RAPGEF2: variants seen among roughly 807,000 people sequenced by gnomAD.
RAPGEF2 encodes PDZ domain containing guanine nucleotide exchange factor (GEF) 1.
Under a neutral mutation model 186.7 loss-of-function variants are expected in RAPGEF2, and 54 were observed. The ratio of observed to expected loss-of-function variants is 0.29; its 90% CI spans 0.23 to 0.36. The LOEUF (loss-of-function observed/expected upper bound fraction) is 0.36, where lower values mean the gene tolerates loss of function less well. RAPGEF2 is among the 10% of genes least tolerant of loss of function. The pLI, the probability that RAPGEF2 is intolerant of heterozygous loss-of-function variation, is 1.00. For synonymous variants in RAPGEF2, 712 were observed against 705.9 expected, an observed-to-expected ratio of 1.01 and a Z score of -0.14; for missense variants, 1,532 against 2,045.0, an observed-to-expected ratio of 0.75 and a Z score of 4.84.
At chr4:159,348,246 G>GATAGATAGATAGATAGATA (rs1561329991) in intron 25 of RAPGEF2, among the ~76,000 whole-genome samples, 37 of 30,396 alleles carry the variant, frequency 1.2e-3, no homozygotes, top group African/African-American at 1.9e-3. Context: ...ATAGATAGAT[G>GATAGATAGATAGATAGATA]GATGGATGGA....
At chr4:159,296,288 G>C (rs911142305) in intron 7 of RAPGEF2, among the ~76,000 whole-genome samples, 7 of 152,166 alleles carry the variant, frequency 4.6e-5, no homozygotes, top group Admixed American at 1.3e-4. Flanking sequence ...AAGTGAGTCA[G>C]CTTTGCAAAT....
At chr4:159,352,178 T>C (rs1731284702) in intron 26 of RAPGEF2, among the ~76,000 whole-genome samples, 1 of 152,236 alleles carries the variant, frequency 6.6e-6, no homozygotes, top group Non-Finnish European at 1.5e-5. Flanking sequence ...TTCAAAGACA[T>C]CTTCAGGTCT....
At chr4:159,170,470 A>C (rs1342663549) in intron 1 of RAPGEF2, among the ~76,000 whole-genome samples, 1 of 152,204 alleles carries the variant, frequency 6.6e-6, no homozygotes, top group Admixed American at 6.5e-5. Context: ...TATAACACCA[A>C]CTATTCACAT....
intron 1 of RAPGEF2, among the ~76,000 whole-genome samples, chr4:159,151,904 A>AC (rs940788490): frequency 1.3e-5 from 2 of 152,214 alleles, no homozygotes; most frequent in African/African-American, 4.8e-5. Flanking sequence ...ATCTAGAGGG[A>AC]CAAGGGCCTT....
intron 5 of RAPGEF2, among the ~76,000 whole-genome samples, chr4:159,239,518 T>C (rs1396943546): frequency 6.6e-6 from 1 of 152,198 alleles, no homozygotes; most frequent in Non-Finnish European, 1.5e-5. Flanking sequence ...TTCCCTCTTT[T>C]TAATGTAATT....
intron 3 of RAPGEF2, among the ~76,000 whole-genome samples, chr4:159,195,904 T>A (rs201184748): frequency 1.6e-5 from 2 of 128,892 alleles, no homozygotes; most frequent in African/African-American, 3.4e-5. Flanking sequence ...TTTTTTTTTT[T>A]CCCCAAGTAG....
intron 20 of RAPGEF2, among the ~76,000 whole-genome samples, chr4:159,342,556 ATTT>A (rs1729652508): frequency 3.0e-5 from 2 of 65,584 alleles, no homozygotes; most frequent in East Asian, 3.1e-4. Context: ...ATTTTATATT[ATTT>A]TATTTTATTT....
At chr4:159,143,569 G>A (rs1742585440) in intron 1 of RAPGEF2, among the ~76,000 whole-genome samples, 1 of 152,136 alleles carries the variant, frequency 6.6e-6, no homozygotes, top group Non-Finnish European at 1.5e-5. Flanking sequence ...GTGATATAAT[G>A]TAGTTTATTT....
At chr4:159,292,899 T>C (rs971534114) in intron 7 of RAPGEF2, among the ~76,000 whole-genome samples, 6 of 152,190 alleles carry the variant, frequency 3.9e-5, no homozygotes, top group African/African-American at 1.2e-4. Flanking sequence ...TTACTGTCTT[T>C]GGTTCATAAG....
intron 4 of RAPGEF2, among the ~76,000 whole-genome samples, chr4:159,218,869 A>G (rs528845258): frequency 1.3e-4 from 20 of 152,196 alleles, no homozygotes; most frequent in Non-Finnish European, 2.8e-4. Flanking sequence ...GTGTGTAAGA[A>G]CTGCTTACCT....
rs572221870 is a variant in RAPGEF2, at chr4:159,300,407, C to CA, written c.544-3929dup. 1.1e-4 allele frequency among the ~76,000 whole-genome samples: 17 copies of CA among 150,640 alleles called. No individual in the cohort carries two copies. In the South Asian group the frequency reaches 3.6e-3, roughly 32 times the overall value. On this transcript the variant is annotated intron_variant, in intron 7 of 29. Transcript: ENST00000691494. The stretch of plus-strand genomic sequence containing the variant: ...GACTATAGGTTGCTTGCTCCAGGAA[C>CA]AAAAAATTGAGCAGTAATATATTTA...
At chr4:159,189,466 G>A (rs1032042273) in intron 2 of RAPGEF2, among the ~76,000 whole-genome samples, 2 of 139,768 alleles carry the variant, frequency 1.4e-5, no homozygotes, top group Non-Finnish European at 3.3e-5. Flanking sequence ...ATTTGCCAGC[G>A]GGGAAGAGTA....
intron 24 of RAPGEF2, among the ~76,000 whole-genome samples, chr4:159,346,536 T>C (rs892959000): frequency 2.0e-5 from 3 of 152,304 alleles, no homozygotes; most frequent in African/African-American, 4.8e-5. Flanking sequence ...ATGGGGTGTT[T>C]AATAGTACAA....
At chr4:159,338,258 G>T in intron 17 of RAPGEF2, 53 bp from the exon 18 acceptor site, 3 of 1,510,222 alleles carry the variant, frequency 2.0e-6, no homozygotes, top group Non-Finnish European at 2.7e-6. Context: ...ATATAGTGAT[G>T]ATGTACAACT....
intron 7 of RAPGEF2, chr4:159,268,178 C>G: frequency 6.2e-7 from 1 of 1,612,576 alleles, no homozygotes; most frequent in Middle Eastern, 1.6e-4. Flanking sequence ...GCAATCCCAG[C>G]TAACCATGGA....
At position 159,104,276 on chromosome 4, in the gene RAPGEF2, G is replaced by T. The variant is rs759073219; in HGVS notation, c.69+45G>T. The T allele has an allele frequency of 4.0e-6, 5 of 1,255,894 alleles. No individual in the cohort carries two copies. The South Asian group carries it at 5.9e-5, about 15-fold the overall frequency. The allele number at this position is 1,255,894 out of a possible 1,614,324, so 77.8% of individuals were successfully genotyped here. A position where few individuals can be genotyped will look rare whatever the true frequency, so the allele number is the denominator to read the frequency against. On this transcript the variant is annotated intron_variant, in intron 1 of 29. Transcript: ENST00000691494. ...CTGCCCTTGGCCGGATTTCTGCCTC[G>T]CAGGCTGCGTCTTCCCCTGTCCCCC... is the stretch of plus-strand genomic sequence containing the variant.
At chr4:159,133,504 C>T (rs1741340095) in intron 1 of RAPGEF2, among the ~76,000 whole-genome samples, 1 of 151,992 alleles carries the variant, frequency 6.6e-6, no homozygotes, top group Admixed American at 6.6e-5. Flanking sequence ...CTCCACCTCC[C>T]AGGTTCAAGC....
Position 159,330,026 on chromosome 4 carries a change from A to G in RAPGEF2, c.1302+16A>G. The G allele has an allele frequency of 6.3e-7, 1 of 1,582,294 alleles. No individual in the cohort carries two copies. ...TGTCATCAAGGTAGGACACAGGACC[A>G]CTCCTTCCCAAGGAAAGGAATTTTT... On this transcript the variant is annotated intron_variant, in intron 12 of 29. Coordinates refer to ENST00000691494, the MANE Select transcript of RAPGEF2 (RefSeq NM_001394067.2).
chr4:159,223,667 G>T (rs1000159664), intron 4 of RAPGEF2, among the ~76,000 whole-genome samples: 1 of 152,120 alleles, frequency 6.6e-6, no homozygotes, highest in Non-Finnish European at 1.5e-5. Flanking sequence ...TAGGATGAAC[G>T]TGTATATACT....
Sources: allele counts gnomAD v4.1 joint callset (sites outside exome capture counted in the v4.1 genomes callset), GRCh38; gene constraint gnomAD v4.1.1; transcripts MANE v1.5; gene names NCBI Gene and HGNC (gene_info 2026-07-23, HGNC 2026-07-21).